PKP1: variants seen among roughly 807,000 people sequenced by gnomAD.
PKP1 encodes plakophilin-1.
Under a neutral mutation model 76.4 loss-of-function variants are expected in PKP1, and 27 were observed. That is an observed-to-expected ratio of 0.35 (90% CI 0.26 to 0.49). The LOEUF is 0.49. PKP1 is among the 20% of genes least tolerant of loss of function. The pLI is 0.99. For missense variants in PKP1, 964 were observed against 955.2 expected, an observed-to-expected ratio of 1.01 and a Z score of -0.12; for synonymous variants, 404 against 384.2, an observed-to-expected ratio of 1.05 and a Z score of -0.60.
intron 2 of PKP1, among the ~76,000 whole-genome samples, chr1:201,295,382 T>C (rs572179601): frequency 3.3e-5 from 5 of 152,294 alleles, no homozygotes; most frequent in African/African-American, 9.6e-5. Context: ...TGATTCTTGA[T>C]GGCAAATGAC....
In PKP1 at chr1:201,317,634, C is replaced by T. The variant is rs750147812; in HGVS notation, c.909C>T (p.Val303=). Residue 303 remains valine, a synonymous_variant, in exon 5 of 14, where the codon GTC becomes GTT. Transcript: ENST00000367324. ...VDLLRSPNQN[V]QQAAAGALRN... ...TCCTCCGCAGCCCCAACCAGAACGT[C>T]CAGCAGGCCGCGGCAGGGGCCCTGC... 2 of 1,613,944 alleles carry T rather than the reference C, an allele frequency of 1.2e-6. No individual in the cohort carries two copies. The highest frequency in any genetic ancestry group is 1.7e-6 in the Non-Finnish European group (2 of 1,180,022).
intron 2 of PKP1, among the ~76,000 whole-genome samples, chr1:201,307,170 A>T (rs984865697): frequency 6.6e-6 from 1 of 152,144 alleles, no homozygotes; most frequent in Non-Finnish European, 1.5e-5. Flanking sequence ...TTGTGGGTGC[A>T]GCTCCCTCTG....
intron 7 of PKP1, among the ~76,000 whole-genome samples, chr1:201,320,652 A>G (rs1656912561): frequency 6.6e-6 from 1 of 152,204 alleles, no homozygotes; most frequent in Non-Finnish European, 1.5e-5. Flanking sequence ...CTCTAATGGA[A>G]AGGGTCATAA....
intron 1 of PKP1, among the ~76,000 whole-genome samples, chr1:201,292,795 C>T (rs1655956236): frequency 6.6e-6 from 1 of 152,248 alleles, no homozygotes; most frequent in Non-Finnish European, 1.5e-5. Flanking sequence ...GGATCCCACT[C>T]ACCTTCATCC....
At chr1:201,303,622 GTTTTA>G (rs1184300582) in intron 2 of PKP1, among the ~76,000 whole-genome samples, 1 of 151,996 alleles carries the variant, frequency 6.6e-6, no homozygotes, top group African/African-American at 2.4e-5. Context: ...TTGTTTGTTT[GTTTTA>G]TTTTGTTTTT....
Position 201,320,382 on chromosome 1 carries a change from G to A in PKP1, c.1347+1G>A, listed in dbSNP as rs368102094. On this transcript the variant is annotated splice_donor_variant, in intron 7 of 13. Coordinates refer to ENST00000367324, the MANE Select transcript of PKP1 (RefSeq NM_001005337.3). LOFTEE classifies it high-confidence loss of function. The stretch of plus-strand genomic sequence containing the variant: ...AGCGGCCAGCCGCTGTGACGACAAG[G>A]TGAGTGCATCCCCTGGTGGCACCCT... 3 of 1,598,060 alleles carry A rather than the reference G, an allele frequency of 1.9e-6. No individual in the cohort carries two copies. The African/African-American group carries it at 4.0e-5, about 21-fold the overall frequency.
rs747765447 is a variant in PKP1, at chr1:201,313,535, T to G, written c.676T>G (p.Phe226Val). Residue 226 changes from phenylalanine (F) to valine (V), a missense_variant, in exon 3 of 14, where the codon TTT (phenylalanine) becomes GTT (valine). Physicochemically the swap from Phe to Val is conservative, Grantham distance 50. Coordinates refer to ENST00000367324, the MANE Select transcript of PKP1 (RefSeq NM_001005337.3). ...PPISCNKDLS[F>V]GHSRASSKIC... is the part of the protein sequence containing the mutation. ...CATCTCCTGCAACAAGGACCTGTCCTTTGGCCACTCTAGGGCCAGCTCCAA... is the reference window on the plus strand; with the variant it reads ...CATCTCCTGCAACAAGGACCTGTCCGTTGGCCACTCTAGGGCCAGCTCCAA... The G allele has an allele frequency of 6.2e-7, 1 of 1,613,748 alleles. No homozygotes were observed. Among genetic ancestry groups the G allele is most frequent in the Non-Finnish European group, 8.5e-7 (1 of 1,179,790 alleles).
rs113973447 is a variant in PKP1, at chr1:201,306,106, C to A, written c.307-7060C>A. Among the ~76,000 whole-genome samples the A allele has an allele frequency of 6.3e-3, 957 of 152,332 alleles. 12 individuals are homozygous for A. Among genetic ancestry groups the A allele is most frequent in the African/African-American group, 0.022 (906 of 41,558 alleles). On this transcript the variant is annotated intron_variant, in intron 2 of 13. Transcript: ENST00000367324. ...GAAACAGACAGGTCTGTGTATGAAA[C>A]CTTAGGTTCTTGTTTCCAAACCCAT...
intron 1 of PKP1, among the ~76,000 whole-genome samples, chr1:201,291,644 G>T (rs528259257): frequency 2.1e-4 from 32 of 152,308 alleles, no homozygotes; most frequent in Admixed American, 2.1e-3. Flanking sequence ...GCTCCATAAA[G>T]TTCTGTCTGT....
Position 201,328,744 on chromosome 1 carries a change from C to T in PKP1, c.2107-18C>T, listed in dbSNP as rs554529305. 32 of 1,612,732 alleles carry T rather than the reference C, an allele frequency of 2.0e-5. No individual in the cohort carries two copies. The highest frequency in any genetic ancestry group is 2.5e-5 in the Non-Finnish European group (30 of 1,178,784). On this transcript the variant is annotated intron_variant, in intron 12 of 13. Transcript: ENST00000367324. ...CACACAGTTTTGTGTCATTTGGTTG[C>T]TGTTTCTCCCTTTGCAGCAAGGTTT... is the stretch of plus-strand genomic sequence containing the variant.
intron 2 of PKP1, among the ~76,000 whole-genome samples, chr1:201,307,791 T>G (rs1656413706): frequency 6.6e-6 from 1 of 152,192 alleles, no homozygotes; most frequent in South Asian, 2.1e-4. Flanking sequence ...TAATCAAGGT[T>G]CTTTCTCCAG....
In PKP1 at chr1:201,325,170, C is replaced by G. The variant is rs549432416; in HGVS notation, c.2021+43C>G. The G allele has an allele frequency of 2.5e-6, 4 of 1,576,552 alleles. No individual in the cohort carries two copies. In the East Asian group the frequency reaches 6.7e-5, roughly 26 times the overall value. ...CCCACGGGCTGCACCCCAATCAGAGCCCCTCCTCACCCTGCACAGCAGGAA... is the reference window on the plus strand; with the variant it reads ...CCCACGGGCTGCACCCCAATCAGAGGCCCTCCTCACCCTGCACAGCAGGAA... On this transcript the variant is annotated intron_variant, in intron 11 of 13. Transcript: ENST00000367324.
intron 9 of PKP1, among the ~76,000 whole-genome samples, chr1:201,323,503 GAGA>G (rs1194722643): frequency 2.0e-5 from 3 of 152,178 alleles, no homozygotes; most frequent in Admixed American, 6.5e-5. Context: ...GAATGCGGCG[GAGA>G]AGGTGTTTGG....
At chr1:201,306,630 C>T (rs926603710) in intron 2 of PKP1, among the ~76,000 whole-genome samples, 4 of 152,116 alleles carry the variant, frequency 2.6e-5, no homozygotes, top group Non-Finnish European at 5.9e-5. Flanking sequence ...CATTATTAAC[C>T]AGATCTCTGG....
chr1:201,329,224 G>A (rs1572968), intron 13 of PKP1, among the ~76,000 whole-genome samples: 98,078 of 152,086 alleles, frequency 0.64, 35,483 homozygotes, highest in East Asian at 0.88. Flanking sequence ...GTCATTCTGG[G>A]CTTGGCCATA....
rs1477101097 is a variant in PKP1, at chr1:201,323,288, C to T, written c.1680+99C>T. 5.2e-6 allele frequency: 6 copies of T among 1,155,490 alleles called. No homozygotes were observed. The African/African-American group carries it at 6.0e-5, about 12-fold the overall frequency. 71.6% of individuals were successfully genotyped at this position (1,155,490 alleles called of 1,614,324 possible). ...TTCCCCCCAGCCTGTCCCCTGACTT[C>T]GGAGCCTCCCATGAGCAGAGTGTGC... On this transcript the variant is annotated intron_variant, in intron 9 of 13. Coordinates refer to ENST00000367324, the MANE Select transcript of PKP1 (RefSeq NM_001005337.3).
At chr1:201,326,920 G>A (rs1326766224) in intron 12 of PKP1, among the ~76,000 whole-genome samples, 1 of 152,218 alleles carries the variant, frequency 6.6e-6, no homozygotes, top group Non-Finnish European at 1.5e-5. Flanking sequence ...TGAAGACCTG[G>A]TAAGAAGAGA....
chr1:201,296,639 C>T (rs1276400925), intron 2 of PKP1, among the ~76,000 whole-genome samples: 2 of 152,218 alleles, frequency 1.3e-5, no homozygotes, highest in Non-Finnish European at 2.9e-5. Context: ...AAGAATCTGA[C>T]TTTGCCCTCA....
Position 201,317,751 on chromosome 1 carries a change from G to A in PKP1, c.1026G>A (p.Gly342=), listed in dbSNP as rs1288790867. The A allele has an allele frequency of 3.1e-6, 5 of 1,613,646 alleles. No individual in the cohort carries two copies. Among genetic ancestry groups the A allele is most frequent in the African/African-American group, 1.3e-5 (1 of 74,928 alleles). ...REAVSLLRRT[G]NAEIQKQLTG... ...CAGTCAGCCTCCTGAGGAGAACCGG[G>A]AACGCCGAGATCCAGAAGCAGCTGA... is the stretch of plus-strand genomic sequence containing the variant. The change falls in exon 5 of 14, where the codon GGG becomes GGA. Residue 342 remains glycine, a synonymous_variant. Coordinates refer to ENST00000367324, the MANE Select transcript of PKP1 (RefSeq NM_001005337.3).
Sources: allele counts gnomAD v4.1 joint callset (sites outside exome capture counted in the v4.1 genomes callset), GRCh38; gene constraint gnomAD v4.1.1; transcripts MANE v1.5; gene names NCBI Gene and HGNC (gene_info 2026-07-23, HGNC 2026-07-21).